Variants in EBF1 observed in about 807,000 individuals in gnomAD.
EBF1 encodes EBF transcription factor 1.
Under a neutral mutation model 68.4 loss-of-function variants are expected in EBF1, and 10 were observed. That is an observed-to-expected ratio of 0.15 (90% confidence interval 0.09 to 0.25). EBF1 has a LOEUF of 0.25. Among genes scored for constraint, EBF1 ranks in the 10% least tolerant of loss-of-function variants. The pLI is 1.00. For missense variants in EBF1, 509 were observed against 794.4 expected (o/e 0.64, Z 4.32); for synonymous variants, 298 against 299.8 (o/e 0.99, Z 0.06).
intron 11 of EBF1, among the ~76,000 whole-genome samples, chr5:158,720,528 A>C (rs1176776174): frequency 6.6e-6 from 1 of 152,026 alleles, no homozygotes; most frequent in Non-Finnish European, 1.5e-5. Flanking sequence ...ACAAACCAAA[A>C]TAACACTTGG....
intron 10 of EBF1, among the ~76,000 whole-genome samples, chr5:158,736,831 AATCT>A (rs1293011818): frequency 6.6e-6 from 1 of 152,244 alleles, no homozygotes; most frequent in Non-Finnish European, 1.5e-5. Flanking sequence ...TATCTTCACA[AATCT>A]ATCTTTAAGA....
chr5:158,993,621 C>T (rs762726120), intron 6 of EBF1, among the ~76,000 whole-genome samples: 15 of 152,270 alleles, frequency 9.9e-5, no homozygotes, highest in Non-Finnish European at 1.5e-4. Context: ...TCTGAGCCTT[C>T]TTTTCTTGTC....
intron 6 of EBF1, among the ~76,000 whole-genome samples, chr5:158,907,505 C>T (rs992700845): frequency 6.6e-6 from 1 of 152,158 alleles, no homozygotes. Flanking sequence ...TAACTCATCA[C>T]TGAGATGCCC....
In EBF1 at chr5:159,099,347, C is replaced by T. The variant is rs6872429; in HGVS notation, c.132G>A (p.Gln44=). 1 of 1,586,600 alleles carries T rather than the reference C, an allele frequency of 6.3e-7. No homozygotes were observed. Among genetic ancestry groups the T allele is most frequent in the East Asian group, 2.4e-5 (1 of 40,830 alleles). ...AGVLDANTAA[Q]SGVGLARAHF... ...CGCGGTCCCCGCGCAGTACCCACCT[C>T]TGCGCCGCCGTGTTGGCGTCCAGCA... is the stretch of plus-strand genomic sequence containing the variant. The change falls in exon 1 of 16, where the codon CAG becomes CAA. Residue 44 remains glutamine, a splice_region_variant and synonymous_variant. Coordinates refer to ENST00000313708, the MANE Select transcript of EBF1 (RefSeq NM_024007.5).
chr5:159,088,528 A>G (rs1781103110), intron 4 of EBF1, among the ~76,000 whole-genome samples: 1 of 152,168 alleles, frequency 6.6e-6, no homozygotes, highest in African/African-American at 2.4e-5. Context: ...GTATGAGTAA[A>G]GCTGGTTGGG....
At chr5:159,095,523 T>G in intron 4 of EBF1, 97 bp downstream of exon 4, 1 of 1,439,638 alleles carries the variant, frequency 6.9e-7, no homozygotes. Context: ...CTTTTAGAGT[T>G]AGAGTCCCAG....
intron 11 of EBF1, among the ~76,000 whole-genome samples, chr5:158,726,791 G>T (rs144499581): frequency 6.6e-6 from 1 of 152,158 alleles, no homozygotes; most frequent in African/African-American, 2.4e-5. Context: ...ACATAGTGAC[G>T]GCAGTGAGGC....
At chr5:158,971,855 A>G (rs1440034874) in intron 6 of EBF1, among the ~76,000 whole-genome samples, 1 of 152,180 alleles carries the variant, frequency 6.6e-6, no homozygotes, top group Non-Finnish European at 1.5e-5. Context: ...AGTCCATAAC[A>G]TTGAAATTGC....
intron 6 of EBF1, among the ~76,000 whole-genome samples, chr5:158,946,450 CA>C (rs1228318015): frequency 1.3e-5 from 2 of 152,210 alleles, no homozygotes; most frequent in African/African-American, 4.8e-5. Context: ...CCCTCTTCTG[CA>C]GGTCTGCTGG....
At chr5:158,907,407 C>G (rs999580352) in intron 6 of EBF1, among the ~76,000 whole-genome samples, 4 of 152,064 alleles carry the variant, frequency 2.6e-5, no homozygotes, top group Non-Finnish European at 5.9e-5. Flanking sequence ...AAAATTACAC[C>G]CATGGCTTGC....
chr5:158,794,063 A>C (rs965326340), intron 9 of EBF1, among the ~76,000 whole-genome samples: 2 of 152,200 alleles, frequency 1.3e-5, no homozygotes, highest in Admixed American at 6.5e-5. Context: ...AGATCTGCAC[A>C]AATATTTTGG....
chr5:159,035,349 G>A (rs1561849925), intron 6 of EBF1, among the ~76,000 whole-genome samples: 1 of 152,178 alleles, frequency 6.6e-6, no homozygotes, highest in Admixed American at 6.5e-5. Context: ...ACCAAAATAA[G>A]TGAAAAGTAA....
intron 7 of EBF1, among the ~76,000 whole-genome samples, chr5:158,831,742 T>A (rs1787624752): frequency 6.6e-6 from 1 of 152,190 alleles, no homozygotes; most frequent in Admixed American, 6.5e-5. Flanking sequence ...CCTCAAGTGA[T>A]CCACCTGCCT....
At position 158,729,565 on chromosome 5, in the gene EBF1, A is replaced by G. The variant is rs184182426; in HGVS notation, c.1125+1504T>C. Reference sequence around the variant, plus strand: ...GCTAGACAGAGGAACCTAATGGTAAATCTCTCCACAGACCATCTATACCAT... The same window carrying G: ...GCTAGACAGAGGAACCTAATGGTAAGTCTCTCCACAGACCATCTATACCAT... On this transcript the variant is annotated intron_variant, in intron 11 of 15. Coordinates refer to ENST00000313708, the MANE Select transcript of EBF1 (RefSeq NM_024007.5). 6.7e-4 allele frequency among the ~76,000 whole-genome samples: 102 copies of G among 152,304 alleles called. No individual in the cohort carries two copies. In the Middle Eastern group the frequency reaches 0.014, roughly 20 times the overall value.
rs1176752345 is a variant in EBF1 at position 158,945,603 on chromosome 5, C to T, written c.555-105493G>A. Among the ~76,000 whole-genome samples, 6 of 152,228 alleles carry T rather than the reference C, an allele frequency of 3.9e-5. No individual in the cohort carries two copies. The East Asian group carries it at 5.8e-4, about 15-fold the overall frequency. ...AACCTTTCTCTCTGGCTGTCCTTAA[C>T]ATTTTTTCCTTCATTTCAACCTTGG... On this transcript the variant is annotated intron_variant, in intron 6 of 15. Transcript: ENST00000313708.
At chr5:159,025,646 C>A (rs1311343624) in intron 6 of EBF1, among the ~76,000 whole-genome samples, 2 of 152,196 alleles carry the variant, frequency 1.3e-5, no homozygotes, top group Non-Finnish European at 2.9e-5. Flanking sequence ...TAATAGCAGC[C>A]TTTTTATTTC....
chr5:158,786,134 T>C (rs1777389600), intron 9 of EBF1, among the ~76,000 whole-genome samples: 1 of 152,156 alleles, frequency 6.6e-6, no homozygotes, highest in South Asian at 2.1e-4. Context: ...TTCAGAATTC[T>C]TTTTACTAAA....
chr5:158,717,724 T>C (rs532693539), intron 11 of EBF1, among the ~76,000 whole-genome samples: 1 of 152,196 alleles, frequency 6.6e-6, no homozygotes, highest in South Asian at 2.1e-4. Flanking sequence ...GTAGAGGTAA[T>C]GTTTGTTCTC....
chr5:158,766,627 G>T (rs1470615562), intron 10 of EBF1, among the ~76,000 whole-genome samples: 1 of 152,054 alleles, frequency 6.6e-6, no homozygotes, highest in Non-Finnish European at 1.5e-5. Flanking sequence ...CTATATTCTG[G>T]CATAGCTGAT....
Sources: allele counts gnomAD v4.1 joint callset (sites outside exome capture counted in the v4.1 genomes callset), GRCh38; gene constraint gnomAD v4.1.1; transcripts MANE v1.5; gene names NCBI Gene and HGNC (gene_info 2026-07-23, HGNC 2026-07-21).